PRKN: variants seen among roughly 807,000 people sequenced by gnomAD.
PRKN encodes the protein parkin RBR E3 ubiquitin protein ligase.
In PRKN, 56 loss-of-function variants were observed where a neutral mutation model predicts 59.5. The observed-to-expected ratio is 0.94, with a 90% confidence interval of 0.76 to 1.18. The LOEUF (loss-of-function observed/expected upper bound fraction) is 1.18. Among genes scored for constraint, PRKN ranks in the 50% most tolerant of loss-of-function variants. The pLI is 0.00. For synonymous variants in PRKN, 250 were observed against 222.1 expected (o/e 1.13, Z -1.12); for missense variants, 657 against 596.4 (o/e 1.10, Z -1.06).
Position 161,423,358 on chromosome 6 carries a change from G to A in PRKN, c.1084-36481C>T, listed in dbSNP as rs1788188671. ...GCAGCTGAGACACGCTGTGTAACTT[G>A]CAGCTTACATGTAAATAATTCGGAG... is the stretch of plus-strand genomic sequence containing the variant. On this transcript the variant is annotated intron_variant, in intron 9 of 11. Coordinates refer to ENST00000366898, the MANE Select transcript of PRKN (RefSeq NM_004562.3). This position sits in a 1 kb window ranked among gnomAD's most constrained non-coding sequence, Gnocchi z 5.9. 6.6e-6 allele frequency among the ~76,000 whole-genome samples: 1 copy of A among 152,208 alleles called. No individual in the cohort carries two copies. Among genetic ancestry groups the A allele is most frequent in the Non-Finnish European group, 1.5e-5 (1 of 68,048 alleles).
rs1374884815 is a variant in PRKN, at chr6:161,361,124, T to G, written c.1168-919A>C. ...TAGCTGTGCTTGACATCTGTGACCT[T>G]AAGGACCAGCCATTCGCTGATTATC... On this transcript the variant is annotated intron_variant, in intron 10 of 11. Transcript: ENST00000366898. This position sits in a 1 kb window ranked among gnomAD's most constrained non-coding sequence, Gnocchi z 5.2. Among the ~76,000 whole-genome samples, 1 of 151,998 alleles carries G rather than the reference T, an allele frequency of 6.6e-6. No homozygotes were observed. Among genetic ancestry groups the G allele is most frequent in the African/African-American group, 2.4e-5 (1 of 41,392 alleles).
chr6:162,099,070 A>G (rs746322003), intron 4 of PRKN, among the ~76,000 whole-genome samples: 9 of 152,204 alleles, frequency 5.9e-5, no homozygotes, highest in Non-Finnish European at 8.8e-5. Context: ...GTACATATAC[A>G]TACTTGTTTT....
intron 4 of PRKN, among the ~76,000 whole-genome samples, chr6:162,090,107 C>T (rs1237846031): frequency 6.6e-6 from 1 of 152,002 alleles, no homozygotes; most frequent in East Asian, 1.9e-4. Flanking sequence ...ATTCCATAAG[C>T]CAGCCTAAAA....
chr6:162,584,792 C>CTCCT (rs1780947363), intron 1 of PRKN, among the ~76,000 whole-genome samples: 1 of 7,880 alleles, frequency 1.3e-4, no homozygotes, highest in Non-Finnish European at 1.9e-4. Flanking sequence ...TCTCCTCTCC[C>CTCCT]CTCCCCTCCC....
At chr6:162,289,482 T>C (rs1199348049) in intron 2 of PRKN, among the ~76,000 whole-genome samples, 1 of 151,844 alleles carries the variant, frequency 6.6e-6, no homozygotes, top group African/African-American at 2.4e-5. Flanking sequence ...GGTGGATCAC[T>C]TGAGCTCAGC....
At chr6:162,519,178 A>T (rs555958006) in intron 1 of PRKN, among the ~76,000 whole-genome samples, 1 of 152,272 alleles carries the variant, frequency 6.6e-6, no homozygotes, top group African/African-American at 2.4e-5. Context: ...CTCAAAAAAC[A>T]AACAAACAAA....
At chr6:162,610,311 T>C (rs1391555620) in intron 1 of PRKN, among the ~76,000 whole-genome samples, 2 of 152,174 alleles carry the variant, frequency 1.3e-5, no homozygotes. Flanking sequence ...CTCCAAAATC[T>C]AGGCTCTTCA....
rs1410552793 is a variant in PRKN, at chr6:161,462,309, T to G, written c.1084-75432A>C. ...GCTTTTATTCTGAATCACCTGAACTTCCAGCTATCTGTGGTTTATAAGCTG... is the reference window on the plus strand; with the variant it reads ...GCTTTTATTCTGAATCACCTGAACTGCCAGCTATCTGTGGTTTATAAGCTG... On this transcript the variant is annotated intron_variant, in intron 9 of 11. Coordinates refer to ENST00000366898, the MANE Select transcript of PRKN (RefSeq NM_004562.3). The surrounding 1 kb of genome is among the most constrained non-coding windows in gnomAD (Gnocchi z 4.5). Among the ~76,000 whole-genome samples, 1 of 152,206 alleles carries G rather than the reference T, an allele frequency of 6.6e-6. No individual in the cohort carries two copies. The highest frequency in any genetic ancestry group is 1.9e-4 in the East Asian group (1 of 5,194).
rs915339496 is a variant in PRKN at position 161,943,582 on chromosome 6, G to A, written c.734+29720C>T. 1.7e-4 allele frequency among the ~76,000 whole-genome samples: 26 copies of A among 152,370 alleles called. 1 individual carries two copies. The East Asian group carries it at 4.2e-3, about 25-fold the overall frequency. ...ATCCTGAAATAAAGTCAAATGATAT[G>A]ATTTGCATTTTCCCAGCAGCCTCTA... On this transcript the variant is annotated intron_variant, in intron 6 of 11. Coordinates refer to ENST00000366898, the MANE Select transcript of PRKN (RefSeq NM_004562.3).
chr6:162,149,139 C>A (rs1201988481), intron 4 of PRKN, among the ~76,000 whole-genome samples: 1 of 152,152 alleles, frequency 6.6e-6, no homozygotes. Flanking sequence ...TACTTTGCAC[C>A]TTCAAGGTCG....
At chr6:162,314,436 C>A (rs1782660757) in intron 2 of PRKN, among the ~76,000 whole-genome samples, 7 of 152,112 alleles carry the variant, frequency 4.6e-5, no homozygotes, top group Admixed American at 4.6e-4. Context: ...TTCATTGTGA[C>A]TTCTGACCAC....
chr6:162,054,871 A>T (rs1397956717), intron 4 of PRKN, among the ~76,000 whole-genome samples: 2 of 152,224 alleles, frequency 1.3e-5, no homozygotes, highest in African/African-American at 4.8e-5. Context: ...ACTAAATTTT[A>T]AGAAATCGGG....
intron 4 of PRKN, among the ~76,000 whole-genome samples, chr6:162,191,998 A>G (rs886867870): frequency 1.1e-4 from 17 of 152,236 alleles, no homozygotes; most frequent in Non-Finnish European, 2.5e-4. Context: ...TAAACATGAT[A>G]CATACATGTA....
intron 7 of PRKN, among the ~76,000 whole-genome samples, chr6:161,682,276 C>A (rs1402136339): frequency 6.6e-6 from 1 of 152,156 alleles, no homozygotes; most frequent in Non-Finnish European, 1.5e-5. Context: ...TCCATAGAGG[C>A]CTCCCTGAGG....
intron 2 of PRKN, among the ~76,000 whole-genome samples, chr6:162,389,019 A>AC (rs912408898): frequency 1.3e-5 from 2 of 149,828 alleles, no homozygotes; most frequent in African/African-American, 5.0e-5. Context: ...AAAAAAAAAA[A>AC]AAAAACAAAA....
intron 10 of PRKN, among the ~76,000 whole-genome samples, chr6:161,380,426 CTTTTTTTTTTTT>C (rs977152868): frequency 3.4e-5 from 4 of 117,958 alleles, no homozygotes; most frequent in East Asian, 2.3e-4. Flanking sequence ...CCAAGTCTAT[CTTTTTTTTTTTT>C]TTTTTTTTTT....
At chr6:162,692,116 T>C (rs753210274) in intron 1 of PRKN, among the ~76,000 whole-genome samples, 1 of 151,304 alleles carries the variant, frequency 6.6e-6, no homozygotes. Context: ...TGCCTATGCC[T>C]GCACAATGTG....
At chr6:161,733,780 A>AT (rs1787821548) in intron 7 of PRKN, among the ~76,000 whole-genome samples, 2 of 84,794 alleles carry the variant, frequency 2.4e-5, no homozygotes, top group African/African-American at 1.5e-4. Context: ...GAAAAAAAAA[A>AT]AAAATATATA....
chr6:162,184,523 C>T (rs946294812), intron 4 of PRKN, among the ~76,000 whole-genome samples: 2 of 152,140 alleles, frequency 1.3e-5, no homozygotes, highest in Admixed American at 1.3e-4. Flanking sequence ...CTTCTCCCTT[C>T]GTGCGGTTCT....
Sources: allele counts gnomAD v4.1 joint callset (sites outside exome capture counted in the v4.1 genomes callset), GRCh38; gene constraint gnomAD v4.1.1; non-coding constraint Gnocchi (gnomAD v3.1); transcripts MANE v1.5; gene names NCBI Gene and HGNC (gene_info 2026-07-23, HGNC 2026-07-21).